FHIT: variants seen among roughly 807,000 people sequenced by gnomAD.
FHIT encodes fragile histidine triad diadenosine triphosphatase.
A neutral mutation model predicts 17.9 loss-of-function variants in FHIT; 19 were observed. That is an observed-to-expected ratio of 1.06 (90% confidence interval 0.74 to 1.56). The LOEUF (loss-of-function observed/expected upper bound fraction) is 1.56, where lower values mean the gene tolerates loss of function less well. FHIT is among the 40% of genes most tolerant of loss of function. The pLI is 0.00. For missense variants in FHIT, 248 were observed against 189.2 expected (o/e 1.31, Z -1.82); for synonymous variants, 81 against 69.7 (o/e 1.16, Z -0.81).
At chr3:60,623,195 G>A (rs765600829) in intron 4 of FHIT, among the ~76,000 whole-genome samples, 5 of 152,152 alleles carry the variant, frequency 3.3e-5, no homozygotes, top group Non-Finnish European at 5.9e-5. Context: ...ATGCAATTGC[G>A]TGGCTGATCT....
intron 5 of FHIT, among the ~76,000 whole-genome samples, chr3:60,297,406 G>T (rs1424777521): frequency 2.6e-5 from 4 of 151,994 alleles, no homozygotes; most frequent in Non-Finnish European, 4.4e-5. Flanking sequence ...AAAAGGTGCT[G>T]TATTTTTTAT....
chr3:60,756,602 G>T (rs1188479444), intron 4 of FHIT, among the ~76,000 whole-genome samples: 2 of 152,156 alleles, frequency 1.3e-5, no homozygotes, highest in East Asian at 1.9e-4. Flanking sequence ...TGAAGAAGCA[G>T]CCGGAGAGGA....
intron 5 of FHIT, among the ~76,000 whole-genome samples, chr3:60,311,069 A>G (rs947404062): frequency 6.6e-6 from 1 of 152,108 alleles, no homozygotes; most frequent in African/African-American, 2.4e-5. Context: ...CTGTTTCTCA[A>G]TTTTGTCAAT....
At chr3:60,004,922 T>G (rs1187386718) in intron 7 of FHIT, among the ~76,000 whole-genome samples, 1 of 152,186 alleles carries the variant, frequency 6.6e-6, no homozygotes, top group African/African-American at 2.4e-5. Flanking sequence ...TTAATCCATT[T>G]GGTCCTCACA....
At chr3:60,147,312 A>C (rs906776415) in intron 5 of FHIT, among the ~76,000 whole-genome samples, 1 of 152,196 alleles carries the variant, frequency 6.6e-6, no homozygotes, top group African/African-American at 2.4e-5. Flanking sequence ...TAGAGTTCAA[A>C]TTTTAGAATA....
intron 5 of FHIT, among the ~76,000 whole-genome samples, chr3:60,416,466 C>T (rs1702252065): frequency 6.6e-6 from 1 of 152,162 alleles, no homozygotes; most frequent in Non-Finnish European, 1.5e-5. Flanking sequence ...TACAGTCTGT[C>T]ATGATAACTC....
intron 5 of FHIT, among the ~76,000 whole-genome samples, chr3:60,112,586 T>C (rs1704725065): frequency 1.3e-5 from 2 of 152,196 alleles, no homozygotes; most frequent in African/African-American, 4.8e-5. Context: ...CCACATGGCT[T>C]TCACCTTCCA....
chr3:60,607,762 A>G (rs560692321), intron 4 of FHIT, among the ~76,000 whole-genome samples: 3 of 152,174 alleles, frequency 2.0e-5, no homozygotes, highest in Non-Finnish European at 2.9e-5. Context: ...TCTGCAATAC[A>G]TACATATACA....
chr3:60,212,613 C>T (rs1421800114), intron 5 of FHIT, among the ~76,000 whole-genome samples: 1 of 151,986 alleles, frequency 6.6e-6, no homozygotes, highest in Non-Finnish European at 1.5e-5. Context: ...GTTGTTTAAG[C>T]ACTAAAATAA....
chr3:60,405,931 C>T (rs1001038656), intron 5 of FHIT, among the ~76,000 whole-genome samples: 2 of 152,142 alleles, frequency 1.3e-5, no homozygotes, highest in African/African-American at 4.8e-5. Flanking sequence ...GGAATCATGG[C>T]AACAATAATC....
At position 60,417,174 on chromosome 3, in the gene FHIT, A is replaced by C. The variant is rs542827165; in HGVS notation, c.103+119686T>G. 2.3e-4 allele frequency among the ~76,000 whole-genome samples: 35 copies of C among 152,274 alleles called. 1 individual carries two copies. Among genetic ancestry groups the C allele is most frequent in the African/African-American group, 7.9e-4 (33 of 41,554 alleles). ...CTAAAAAAGTGTGGCTACATCCATAATCTGGAATATTATGTTATTCTATGC... is the reference window on the plus strand; with the variant it reads ...CTAAAAAAGTGTGGCTACATCCATACTCTGGAATATTATGTTATTCTATGC... On this transcript the variant is annotated intron_variant, in intron 5 of 9. Coordinates refer to ENST00000492590, the MANE Select transcript of FHIT (RefSeq NM_002012.4).
intron 2 of FHIT, among the ~76,000 whole-genome samples, chr3:61,070,509 T>A (rs1368668032): frequency 6.6e-6 from 1 of 152,212 alleles, no homozygotes; most frequent in African/African-American, 2.4e-5. Context: ...TTGCAGATCT[T>A]GGCTGCTTCT....
chr3:60,706,312 G>C (rs1272834439), intron 4 of FHIT, among the ~76,000 whole-genome samples: 1 of 152,126 alleles, frequency 6.6e-6, no homozygotes, highest in Non-Finnish European at 1.5e-5. Flanking sequence ...CTAGATGACA[G>C]GTTGATGGGT....
At chr3:60,518,561 T>C (rs1576800022) in intron 5 of FHIT, among the ~76,000 whole-genome samples, 1 of 152,184 alleles carries the variant, frequency 6.6e-6, no homozygotes. Flanking sequence ...CATAATATTA[T>C]AGCAAGTAGT....
intron 4 of FHIT, among the ~76,000 whole-genome samples, chr3:60,637,308 G>T (rs1374894315): frequency 2.6e-5 from 4 of 151,956 alleles, no homozygotes; most frequent in Non-Finnish European, 5.9e-5. Flanking sequence ...AATGCTTTTT[G>T]ATCAAAAATA....
chr3:59,830,699 G>A (rs1701133906), intron 8 of FHIT, among the ~76,000 whole-genome samples: 1 of 152,064 alleles, frequency 6.6e-6, no homozygotes, highest in African/African-American at 2.4e-5. Flanking sequence ...TTATCTGTGG[G>A]CCAGGTCAAC....
At chr3:60,874,646 C>T (rs1278877305) in intron 3 of FHIT, among the ~76,000 whole-genome samples, 4 of 152,174 alleles carry the variant, frequency 2.6e-5, no homozygotes, top group African/African-American at 9.6e-5. Context: ...GCTGATTAGT[C>T]TCCACCCTCT....
rs145467520 is a variant in FHIT, at chr3:61,148,108, T to G, written c.-164+52509A>C. Among the ~76,000 whole-genome samples, 793 of 151,890 alleles carry G rather than the reference T, an allele frequency of 5.2e-3. 7 individuals carry two copies. Among genetic ancestry groups the G allele is most frequent in the African/African-American group, 0.018 (763 of 41,524 alleles). ...GACTGGAAGAAAGTTATTTATGTGA[T>G]GAGACTATCGATGATTTATTTTCTT... On this transcript the variant is annotated intron_variant, in intron 2 of 9. Coordinates refer to ENST00000492590, the MANE Select transcript of FHIT (RefSeq NM_002012.4).
intron 3 of FHIT, among the ~76,000 whole-genome samples, chr3:61,038,253 C>T (rs1288556709): frequency 6.6e-6 from 1 of 152,164 alleles, no homozygotes; most frequent in Non-Finnish European, 1.5e-5. Flanking sequence ...ACACCCTCTG[C>T]AAAGCATTCT....
Sources: allele counts gnomAD v4.1 joint callset (sites outside exome capture counted in the v4.1 genomes callset), GRCh38; gene constraint gnomAD v4.1.1; transcripts MANE v1.5; gene names NCBI Gene and HGNC (gene_info 2026-07-23, HGNC 2026-07-21).